Variants in UNC13C observed in about 807,000 individuals in gnomAD.
The protein encoded by UNC13C is protein unc-13 homolog C.
In UNC13C, 174 loss-of-function variants were observed where a neutral mutation model predicts 245.4. That is an observed-to-expected ratio of 0.71 (90% CI 0.63 to 0.80). UNC13C has a LOEUF of 0.80. UNC13C is among the 30% of genes least tolerant of loss of function. UNC13C has a pLI of 0.00. For synonymous variants in UNC13C, 992 were observed against 895.1 expected (o/e 1.11, Z -1.93); for missense variants, 2,829 against 2,602.9 (o/e 1.09, Z -1.89).
intron 30 of UNC13C, among the ~76,000 whole-genome samples, chr15:54,615,566 T>C (rs926168202): frequency 1.3e-5 from 2 of 152,114 alleles, no homozygotes; most frequent in African/African-American, 4.8e-5. Context: ...TCCACCTCTC[T>C]CTGCTCGATA....
chr15:54,513,789 T>C (rs1894855306), intron 24 of UNC13C, among the ~76,000 whole-genome samples: 1 of 133,290 alleles, frequency 7.5e-6, no homozygotes, highest in Non-Finnish European at 1.6e-5. Flanking sequence ...ATCTTCTCCT[T>C]TCTTTTTCTA....
intron 25 of UNC13C, 146 bp downstream of exon 25, chr15:54,525,783 T>C: frequency 7.2e-6 from 5 of 695,228 alleles, no homozygotes; most frequent in Non-Finnish European, 1.2e-5. Flanking sequence ...GAAACATCTG[T>C]TATGACCCCA....
intron 10 of UNC13C, among the ~76,000 whole-genome samples, chr15:54,286,953 C>G (rs2037166458): frequency 6.6e-6 from 1 of 152,120 alleles, no homozygotes. Flanking sequence ...ATGAATCACT[C>G]TTTAAGAAGA....
At chr15:53,898,440 A>C in the UNC13C span, among the ~76,000 whole-genome samples, 1 of 152,042 alleles carries the variant, frequency 6.6e-6, no homozygotes, top group South Asian at 2.1e-4. Flanking sequence ...AAACGCATAC[A>C]CACTAACACA....
intron 17 of UNC13C, among the ~76,000 whole-genome samples, chr15:54,387,426 T>G (rs1333173753): frequency 6.6e-6 from 1 of 152,154 alleles, no homozygotes; most frequent in African/African-American, 2.4e-5. Context: ...GGAGTGTCCT[T>G]CAGCATGTTA....
chr15:54,498,434 G>T (rs1341455455), intron 20 of UNC13C, among the ~76,000 whole-genome samples: 4 of 151,910 alleles, frequency 2.6e-5, no homozygotes, highest in Admixed American at 2.6e-4. Flanking sequence ...ATACTCATGA[G>T]TAAAAAAAGA....
chr15:53,953,449 C>T, the UNC13C span, among the ~76,000 whole-genome samples: 4 of 152,174 alleles, frequency 2.6e-5, no homozygotes, highest in Non-Finnish European at 5.9e-5. Flanking sequence ...TAAGGACTCT[C>T]TAGATCCAGG....
chr15:54,482,788 A>T (rs1893196691), intron 19 of UNC13C, among the ~76,000 whole-genome samples: 1 of 152,184 alleles, frequency 6.6e-6, no homozygotes, highest in Non-Finnish European at 1.5e-5. Flanking sequence ...TGGGAAAAGC[A>T]GTGTATATTT....
intron 19 of UNC13C, among the ~76,000 whole-genome samples, chr15:54,425,422 G>T (rs1445885801): frequency 6.6e-6 from 1 of 151,834 alleles, no homozygotes; most frequent in Non-Finnish European, 1.5e-5. Flanking sequence ...CACAACCCAA[G>T]TTATGAGGCT....
At chr15:54,505,775 C>T (rs1399685465) in intron 22 of UNC13C, among the ~76,000 whole-genome samples, 1 of 142,428 alleles carries the variant, frequency 7.0e-6, no homozygotes, top group Non-Finnish European at 1.5e-5. Flanking sequence ...GACAATCTCG[C>T]TCTGTCGCCC....
chr15:54,593,581 T>C (rs181347249), intron 30 of UNC13C, among the ~76,000 whole-genome samples: 3 of 152,288 alleles, frequency 2.0e-5, no homozygotes, highest in Admixed American at 1.3e-4. Flanking sequence ...GACCTTATCT[T>C]TGAGCTCTGA....
intron 2 of UNC13C, among the ~76,000 whole-genome samples, chr15:54,122,677 C>G (rs2030754758): frequency 6.6e-6 from 1 of 152,012 alleles, no homozygotes; most frequent in Admixed American, 6.6e-5. Context: ...TGATTTTCAT[C>G]AAGATCAAGT....
At chr15:54,225,148 G>A (rs1259200850) in intron 4 of UNC13C, among the ~76,000 whole-genome samples, 1 of 148,256 alleles carries the variant, frequency 6.7e-6, no homozygotes, top group South Asian at 2.2e-4. Flanking sequence ...TAGATGTGCA[G>A]TCTTATTTCT....
chr15:54,466,031 T>C (rs763787945), intron 19 of UNC13C, among the ~76,000 whole-genome samples: 1 of 152,000 alleles, frequency 6.6e-6, no homozygotes, highest in African/African-American at 2.4e-5. Flanking sequence ...AATCCTGTTA[T>C]ATGCAGCAAC....
intron 11 of UNC13C, among the ~76,000 whole-genome samples, chr15:54,294,621 G>T (rs1161396661): frequency 6.6e-6 from 1 of 152,016 alleles, no homozygotes; most frequent in Admixed American, 6.6e-5. Flanking sequence ...ATTAAATAAG[G>T]TAAGTTTTAA....
At chr15:54,484,358 C>T (rs1893294915) in intron 19 of UNC13C, among the ~76,000 whole-genome samples, 1 of 152,144 alleles carries the variant, frequency 6.6e-6, no homozygotes, top group Admixed American at 6.5e-5. Context: ...TCATAATTTT[C>T]TGTGTTCACT....
intron 19 of UNC13C, among the ~76,000 whole-genome samples, chr15:54,481,661 A>C (rs1047257622): frequency 6.6e-6 from 1 of 151,878 alleles, no homozygotes; most frequent in Non-Finnish European, 1.5e-5. Flanking sequence ...TTTATGGGAC[A>C]AGGATGGGCC....
chr15:54,457,089 G>C (rs992126995), intron 19 of UNC13C, among the ~76,000 whole-genome samples: 2 of 152,032 alleles, frequency 1.3e-5, no homozygotes, highest in East Asian at 1.9e-4. Context: ...AATCAGGAAG[G>C]GATGCTGGAT....
In UNC13C at chr15:54,594,345, T is replaced by C. The variant is rs1013879895; in HGVS notation, c.6106+26398T>C. Among the ~76,000 whole-genome samples the C allele has an allele frequency of 2.6e-5, 4 of 151,946 alleles. No homozygotes were observed. The South Asian group carries it at 6.2e-4, about 24-fold the overall frequency. On this transcript the variant is annotated intron_variant, in intron 30 of 32. Coordinates refer to ENST00000260323, the MANE Select transcript of UNC13C (RefSeq NM_001080534.3). ...GCTTTCCAGAAAGCATCAGCTGTAG[T>C]AGTGTGGAGAAGGACCATTGGTGGG...
Sources: allele counts gnomAD v4.1 joint callset (sites outside exome capture counted in the v4.1 genomes callset), GRCh38; gene constraint gnomAD v4.1.1; transcripts MANE v1.5; gene names NCBI Gene and HGNC (gene_info 2026-07-23, HGNC 2026-07-21).